The following RFX2 variants were observed in gnomAD, a reference collection of about 807,000 sequenced individuals.
RFX2 encodes DNA-binding protein RFX2.
RFX2 carries 20 observed loss-of-function variants against 87.8 expected under a neutral mutation model. The observed-to-expected ratio is 0.23, with a 90% CI of 0.16 to 0.33. The LOEUF is 0.33. Among genes scored for constraint, RFX2 ranks in the 10% least tolerant of loss-of-function variants. The pLI is 1.00. For synonymous variants in RFX2, 397 were observed against 431.3 expected (o/e 0.92, Z 0.98); for missense variants, 767 against 1,012.3 (o/e 0.76, Z 3.29).
rs1477759177 is a variant in RFX2, at chr19:6,020,384, A to T, written c.598-4113T>A. ...TGACAGCAAGTCCTTCTTGCTCAAC[A>T]TCAAGAAACCACAGAGAAGACTGAA... On this transcript the variant is annotated intron_variant, in intron 6 of 17. Coordinates refer to ENST00000303657, the MANE Select transcript of RFX2 (RefSeq NM_000635.4). The surrounding 1 kb of genome is among the most constrained non-coding windows in gnomAD (Gnocchi z 5.3). 2 of 152,276 alleles carry T rather than the reference A, an allele frequency of 1.3e-5. No individual in the cohort carries two copies. Among genetic ancestry groups the T allele is most frequent in the Non-Finnish European group, 2.9e-5 (2 of 68,056 alleles). The allele number at this position is 152,276 out of a possible 1,614,324, so 9.4% of individuals were successfully genotyped here. A position where few individuals can be genotyped will look rare whatever the true frequency, so the allele number is the denominator to read the frequency against.
In RFX2 at chr19:6,086,137, T is replaced by C. The variant is rs146174131; in HGVS notation, c.-9+24256A>G. Among the ~76,000 whole-genome samples, 824 of 150,622 alleles carry C rather than the reference T, an allele frequency of 5.5e-3. 10 individuals carry two copies. Among genetic ancestry groups the C allele is most frequent in the African/African-American group, 0.019 (789 of 40,904 alleles). On this transcript the variant is annotated intron_variant, in intron 1 of 17. Coordinates refer to ENST00000303657, the MANE Select transcript of RFX2 (RefSeq NM_000635.4). ...AAAGGCAGGGGAGATCCAATTTCAT[T>C]CTTTTGAATGTGGAAACCCAGTTTT...
intron 1 of RFX2, among the ~76,000 whole-genome samples, chr19:6,103,150 A>G (rs769756930): frequency 1.3e-5 from 2 of 152,224 alleles, no homozygotes. Context: ...AGTTCTACAT[A>G]TTTTTAATGG....
chr19:6,075,272 T>TGGAGGAGGA (rs763598849), intron 1 of RFX2, among the ~76,000 whole-genome samples: 2 of 149,178 alleles, frequency 1.3e-5, no homozygotes, highest in African/African-American at 5.0e-5. Context: ...GAGGAGAAGG[T>TGGAGGAGGA]GGAGGAGGAG....
chr19:6,040,041 T>C lies in RFX2; in HGVS notation c.461A>G (p.His154Arg). 6.2e-7 allele frequency: 1 copy of C among 1,609,944 alleles called. No homozygotes were observed. The highest frequency in any genetic ancestry group is 1.3e-5 in the African/African-American group (1 of 74,912). The change falls in exon 5 of 18, where the codon CAC becomes CGC. Residue 154 changes from histidine to arginine, a missense_variant. This residue lies in a region of RFX2 where 621 missense variants were observed against 873.0 expected (regional missense o/e 0.71). Transcript: ENST00000303657. The surrounding 1 kb of genome is among the most constrained non-coding windows in gnomAD (Gnocchi z 6.1). ...GTGTCTGGTGCTGTCCATCCCCCCG[T>C]GGATGAGATAGGCTCCCGCGCTGGA... ...IVSSAGAYLI[H>R]GGMDSTRHSL...
chr19:6,015,294 G>A (rs900478245), intron 7 of RFX2, among the ~76,000 whole-genome samples: 2 of 151,942 alleles, frequency 1.3e-5, no homozygotes, highest in Non-Finnish European at 2.9e-5. Context: ...CAGGCGTGCT[G>A]GTGGGGGCCC....
intron 13 of RFX2, among the ~76,000 whole-genome samples, chr19:6,003,208 CT>C (rs907837685): frequency 2.0e-5 from 3 of 152,086 alleles, no homozygotes; most frequent in African/African-American, 7.2e-5. Flanking sequence ...CAGGATCAGA[CT>C]TTTAGTGGGT....
chr19:6,047,513 A>G lies in RFX2; in HGVS notation c.-8-9T>C. The G allele has an allele frequency of 6.3e-7, 1 of 1,595,002 alleles. No homozygotes were observed. Among genetic ancestry groups the G allele is most frequent in the South Asian group, 1.1e-5 (1 of 88,252 alleles). ...ATTCTGCATGCTCAGGTCTAAAGAA[A>G]GGCGGAGAGAGATTGGGTGGGCAAG... On this transcript the variant is annotated splice_polypyrimidine_tract_variant and intron_variant, in intron 1 of 17. Coordinates refer to ENST00000303657, the MANE Select transcript of RFX2 (RefSeq NM_000635.4). This position sits in a 1 kb window ranked among gnomAD's most constrained non-coding sequence, Gnocchi z 4.2.
Position 6,021,743 on chromosome 19 carries a change from GACA to G in RFX2, c.597+4417_597+4419del, listed in dbSNP as rs1192824218. On this transcript the variant is annotated intron_variant, in intron 6 of 17. Coordinates refer to ENST00000303657, the MANE Select transcript of RFX2 (RefSeq NM_000635.4). This position sits in a 1 kb window ranked among gnomAD's most constrained non-coding sequence, Gnocchi z 5.7. ...CCTGCAGGGCCTTGTGGGCCATTTT[GACA>G]ACACTCGGTTCTACTTGGAGGGCCA... Among the ~76,000 whole-genome samples the G allele has an allele frequency of 1.1e-4, 16 of 152,258 alleles. No homozygotes were observed. The highest frequency in any genetic ancestry group is 1.0e-3 in the Admixed American group (16 of 15,288).
rs567079354 is a variant in RFX2, at chr19:5,999,884, T to G, written c.1859+1931A>C. Reference sequence around the variant, plus strand: ...AGATGTTCCAGGCAAGGGGGGCAGGTGCAAAGGCCCTGAGGCAGCGTGGCC... The same window carrying G: ...AGATGTTCCAGGCAAGGGGGGCAGGGGCAAAGGCCCTGAGGCAGCGTGGCC... On this transcript the variant is annotated intron_variant, in intron 15 of 17. Coordinates refer to ENST00000303657, the MANE Select transcript of RFX2 (RefSeq NM_000635.4). This position sits in a 1 kb window ranked among gnomAD's most constrained non-coding sequence, Gnocchi z 4.1. Among the ~76,000 whole-genome samples, 1 of 151,582 alleles carries G rather than the reference T, an allele frequency of 6.6e-6. No individual in the cohort carries two copies. The highest frequency in any genetic ancestry group is 1.5e-5 in the Non-Finnish European group (1 of 67,914).
chr19:6,073,096 C>T, intron 1 of RFX2: 1 of 450,296 alleles, frequency 2.2e-6, no homozygotes, highest in Non-Finnish European at 4.1e-6. Flanking sequence ...TCTCATGCCT[C>T]AGCCTCCAGA....
chr19:6,028,288 C>A (rs1012185450), intron 5 of RFX2, among the ~76,000 whole-genome samples: 10 of 151,676 alleles, frequency 6.6e-5, no homozygotes, highest in African/African-American at 2.4e-4. Context: ...TTACAGAAGA[C>A]AACTCTACAC....
At position 6,026,256 on chromosome 19, in the gene RFX2, GAAACA is replaced by G; in HGVS notation, c.523-24_523-20del. On this transcript the variant is annotated intron_variant, in intron 5 of 17. Transcript: ENST00000303657. This position sits in a 1 kb window ranked among gnomAD's most constrained non-coding sequence, Gnocchi z 4.5. ...TTTCAAGCTAAAGAAAATGTGTGCA[GAAACA>G]AAACAAAACAAAATGGAAAAAAAAA... 2.6e-6 allele frequency: 4 copies of G among 1,566,474 alleles called. No homozygotes were observed. The highest frequency in any genetic ancestry group is 3.5e-6 in the Non-Finnish European group (4 of 1,152,846).
In RFX2 at chr19:6,050,476, A is replaced by G. The variant is rs2087253049; in HGVS notation, c.-8-2972T>C. Among the ~76,000 whole-genome samples the G allele has an allele frequency of 6.6e-6, 1 of 152,260 alleles. No individual in the cohort carries two copies. Among genetic ancestry groups the G allele is most frequent in the Non-Finnish European group, 1.5e-5 (1 of 68,046 alleles). ...CAAGAACTTAAAGGAAGTTATATAC[A>G]TAATGAATGAACATATGGGAATCTC... On this transcript the variant is annotated intron_variant, in intron 1 of 17. Coordinates refer to ENST00000303657, the MANE Select transcript of RFX2 (RefSeq NM_000635.4). The surrounding 1 kb of genome is among the most constrained non-coding windows in gnomAD (Gnocchi z 4.6).
At chr19:6,015,435 A>G (rs1404402839) in intron 7 of RFX2, among the ~76,000 whole-genome samples, 1 of 151,498 alleles carries the variant, frequency 6.6e-6, no homozygotes, top group African/African-American at 2.4e-5. Flanking sequence ...TCTCAAAAAC[A>G]AAACACTGAG....
chr19:6,005,151 T>C (rs112842748), intron 12 of RFX2, among the ~76,000 whole-genome samples: 7,052 of 152,132 alleles, frequency 0.046, 517 homozygotes, highest in African/African-American at 0.16. Flanking sequence ...AAAGGAAAGA[T>C]ACCCCAAACT....
In RFX2 at chr19:6,026,441, C is replaced by T. The variant is rs11878522; in HGVS notation, c.523-204G>A. On this transcript the variant is annotated intron_variant, in intron 5 of 17. Coordinates refer to ENST00000303657, the MANE Select transcript of RFX2 (RefSeq NM_000635.4). This position sits in a 1 kb window ranked among gnomAD's most constrained non-coding sequence, Gnocchi z 4.5. ...AAAGCTGCGGTAGGGAGTGTTGCTTCGCACACGTAGGTAAGCCCGAGAGCC... is the reference window on the plus strand; with the variant it reads ...AAAGCTGCGGTAGGGAGTGTTGCTTTGCACACGTAGGTAAGCCCGAGAGCC... 4,170 of 596,242 alleles carry T rather than the reference C, an allele frequency of 7.0e-3. 130 individuals carry two copies. The highest frequency in any genetic ancestry group is 0.066 in the African/African-American group (3,563 of 53,754). The allele number at this position is 596,242 out of a possible 1,614,324, so 36.9% of individuals were successfully genotyped here.
rs1356653400 is a variant in RFX2 at position 6,022,808 on chromosome 19, C to A, written c.597+3355G>T. 6.6e-6 allele frequency among the ~76,000 whole-genome samples: 1 copy of A among 152,216 alleles called. No homozygotes were observed. The highest frequency in any genetic ancestry group is 1.5e-5 in the Non-Finnish European group (1 of 68,024). On this transcript the variant is annotated intron_variant, in intron 6 of 17. Transcript: ENST00000303657. The surrounding 1 kb of genome is among the most constrained non-coding windows in gnomAD (Gnocchi z 6.2). ...GCAGACCTCCAGGCCCTGCAGACCC[C>A]CTGGGTCCAAGCCCCTAGAGGGGAG...
intron 12 of RFX2, among the ~76,000 whole-genome samples, chr19:6,006,378 C>G (rs938910312): frequency 6.6e-6 from 1 of 151,796 alleles, no homozygotes; most frequent in African/African-American, 2.4e-5. Flanking sequence ...AGGCTGGTCT[C>G]AAACTCCTGG....
intron 1 of RFX2, among the ~76,000 whole-genome samples, chr19:6,105,348 G>A (rs1214837625): frequency 6.6e-6 from 1 of 152,138 alleles, no homozygotes; most frequent in African/African-American, 2.4e-5. Flanking sequence ...CGGAGAGCCA[G>A]CCCTCCAAAT....
Sources: gnomAD v4.1 joint callset for allele counts (sites outside exome capture counted in the v4.1 genomes callset) on GRCh38, gnomAD v4.1.1 for gene constraint, gnomAD v4.1.1 regional missense constraint, Gnocchi (gnomAD v3.1) non-coding constraint, MANE v1.5 for transcripts, NCBI Gene and HGNC (gene_info 2026-07-23, HGNC 2026-07-21) for gene names.